The following TTLL11 variants were observed in gnomAD, a reference collection of about 807,000 sequenced individuals.
The protein encoded by TTLL11 is tubulin polyglutamylase TTLL11.
A neutral mutation model predicts 51.7 loss-of-function variants in TTLL11; 42 were observed. That is an observed-to-expected ratio of 0.81 (90% confidence interval 0.64 to 1.05). TTLL11 has a LOEUF of 1.05. Among genes scored for constraint, TTLL11 ranks in the 50% least tolerant of loss-of-function variants. The pLI, the probability that TTLL11 is intolerant of heterozygous loss-of-function variation, is 0.00. For missense variants in TTLL11, 799 were observed against 940.4 expected (o/e 0.85, Z 1.97); for synonymous variants, 381 against 383.5 (o/e 0.99, Z 0.08).
chr9:121,870,855 TACAG>T, intron 6 of TTLL11, 107 bp from the exon 7 acceptor site: 1 of 1,283,192 alleles, frequency 7.8e-7, no homozygotes, highest in South Asian at 1.6e-5. Context: ...TTTTTTATTT[TACAG>T]ACAGCAAGAC....
chr9:121,842,744 C>T (rs1837396892), intron 8 of TTLL11, among the ~76,000 whole-genome samples: 1 of 152,188 alleles, frequency 6.6e-6, no homozygotes, highest in Admixed American at 6.5e-5. Context: ...ATTCTCTCTG[C>T]TCTCTTGGGT....
intron 6 of TTLL11, among the ~76,000 whole-genome samples, chr9:121,911,958 C>A (rs1318037141): frequency 6.6e-6 from 1 of 152,082 alleles, no homozygotes; most frequent in Non-Finnish European, 1.5e-5. Flanking sequence ...AAAAGAATAA[C>A]CCTTTGAGGG....
At chr9:122,074,730 G>A (rs369824656) in intron 1 of TTLL11, among the ~76,000 whole-genome samples, 304 of 127,328 alleles carry the variant, frequency 2.4e-3, no homozygotes, top group Non-Finnish European at 3.6e-3. Flanking sequence ...TAAGACTTTC[G>A]TCTCTACAAA....
In TTLL11 at chr9:121,817,714, C is replaced by T. The variant is rs574115042; in HGVS notation, c.*4873G>A. 2.0e-5 allele frequency: 3 copies of T among 152,370 alleles called. No homozygotes were observed. The highest frequency in any genetic ancestry group is 2.1e-4 in the South Asian group (1 of 4,834). The allele number at this position is 152,370 out of a possible 1,614,324, so 9.4% of individuals were successfully genotyped here. On this transcript the variant is annotated 3_prime_UTR_variant, in exon 9 of 9. Transcript: ENST00000321582. Reference sequence around the variant, plus strand: ...GGAGTGCTGAGGCACCGTGCAGAACCGAGGAAGTGCCGAGGAAGGAGTGTG... The same window carrying T: ...GGAGTGCTGAGGCACCGTGCAGAACTGAGGAAGTGCCGAGGAAGGAGTGTG...
At position 121,852,129 on chromosome 9, in the gene TTLL11, G is replaced by A. The variant is rs189884251; in HGVS notation, c.1840+8208C>T. On this transcript the variant is annotated intron_variant, in intron 8 of 8. Transcript: ENST00000321582. ...GCCTTGGTTTCCTCCTCTGTATATA[G>A]GGTCACGGTAGAGCTCACTGGGAGT... Among the ~76,000 whole-genome samples, 32 of 152,312 alleles carry A rather than the reference G, an allele frequency of 2.1e-4. No homozygotes were observed. The East Asian group carries it at 4.8e-3, about 23-fold the overall frequency.
At chr9:122,068,437 C>T (rs1464705263) in intron 1 of TTLL11, among the ~76,000 whole-genome samples, 1 of 152,034 alleles carries the variant, frequency 6.6e-6, no homozygotes, top group Non-Finnish European at 1.5e-5. Context: ...CTGGGATATA[C>T]AGTAATAATA....
intron 7 of TTLL11, among the ~76,000 whole-genome samples, chr9:121,860,657 G>C (rs544789288): frequency 1.3e-5 from 2 of 152,312 alleles, no homozygotes; most frequent in South Asian, 4.1e-4. Flanking sequence ...TGCTCTTCTA[G>C]GAAGAGACAC....
At chr9:122,031,589 A>T in intron 3 of TTLL11, 134 bp downstream of exon 3, 1 of 1,040,446 alleles carries the variant, frequency 9.6e-7, no homozygotes, top group Non-Finnish European at 1.4e-6. Context: ...GCCAACACCT[A>T]CTGTGTACTG....
At chr9:121,883,773 T>C (rs1289876549) in intron 6 of TTLL11, among the ~76,000 whole-genome samples, 1 of 152,220 alleles carries the variant, frequency 6.6e-6, no homozygotes, top group Non-Finnish European at 1.5e-5. Flanking sequence ...GTACATTTTT[T>C]AGATGATGCC....
At chr9:121,903,899 GGA>G (rs1839848113) in intron 6 of TTLL11, among the ~76,000 whole-genome samples, 1 of 152,182 alleles carries the variant, frequency 6.6e-6, no homozygotes, top group Non-Finnish European at 1.5e-5. Flanking sequence ...TGCTTTGAAT[GGA>G]GTGACATTTA....
chr9:121,816,946 T>C lies in TTLL11; in HGVS notation c.*5641A>G, dbSNP rs778357526. The C allele has an allele frequency of 2.0e-5, 3 of 152,150 alleles. No homozygotes were observed. Among genetic ancestry groups the C allele is most frequent in the Non-Finnish European group, 2.9e-5 (2 of 68,034 alleles). The allele number at this position is 152,150 out of a possible 1,614,324, so 9.4% of individuals were successfully genotyped here. A position where few individuals can be genotyped will look rare whatever the true frequency, so the allele number is the denominator to read the frequency against. On this transcript the variant is annotated 3_prime_UTR_variant, in exon 9 of 9. Transcript: ENST00000321582. ...AAACCAAATGGGAGATTGGCAAAAATATCCATCAAGGTGAGGTGGATTTCA... is the reference window on the plus strand; with the variant it reads ...AAACCAAATGGGAGATTGGCAAAAACATCCATCAAGGTGAGGTGGATTTCA...
chr9:121,826,557 G>GTGTATGTATATATATA (rs1189626793), intron 8 of TTLL11, among the ~76,000 whole-genome samples: 1 of 51,346 alleles, frequency 1.9e-5, no homozygotes, highest in African/African-American at 7.1e-5. Flanking sequence ...ATATGTGTGT[G>GTGTATGTATATATATA]TATATATATA....
chr9:122,019,440 C>A (rs1188081931), intron 3 of TTLL11, among the ~76,000 whole-genome samples: 1 of 152,058 alleles, frequency 6.6e-6, no homozygotes, highest in Non-Finnish European at 1.5e-5. Context: ...GGGTCAGATC[C>A]TTTTCATTTA....
chr9:121,872,513 G>A (rs956102394), intron 6 of TTLL11, among the ~76,000 whole-genome samples: 1 of 152,192 alleles, frequency 6.6e-6, no homozygotes, highest in Non-Finnish European at 1.5e-5. Flanking sequence ...AGTTTGCAAC[G>A]TAAGCCTTAA....
intron 3 of TTLL11, among the ~76,000 whole-genome samples, chr9:122,015,420 C>A (rs1355840698): frequency 6.6e-6 from 1 of 152,112 alleles, no homozygotes; most frequent in Non-Finnish European, 1.5e-5. Flanking sequence ...GGAGTCCTTG[C>A]CAGCCGCTTT....
At position 121,998,773 on chromosome 9, in the gene TTLL11, A is replaced by G. The variant is rs115488244; in HGVS notation, c.694-9003T>C. On this transcript the variant is annotated intron_variant, in intron 3 of 8. Coordinates refer to ENST00000321582, the MANE Select transcript of TTLL11 (RefSeq NM_001139442.2). Reference sequence around the variant, plus strand: ...CGTCAATATGTATACATGAGATCTAATCCTACAAGACAGGCAATAGCATTT... The same window carrying G: ...CGTCAATATGTATACATGAGATCTAGTCCTACAAGACAGGCAATAGCATTT... Among the ~76,000 whole-genome samples the G allele has an allele frequency of 7.2e-3, 1,097 of 152,216 alleles. 12 individuals carry two copies. Among genetic ancestry groups the G allele is most frequent in the African/African-American group, 0.024 (1,000 of 41,530 alleles).
At chr9:122,058,279 G>T (rs542506868) in intron 1 of TTLL11, among the ~76,000 whole-genome samples, 1 of 152,236 alleles carries the variant, frequency 6.6e-6, no homozygotes, top group South Asian at 2.1e-4. Context: ...GGAATTAATG[G>T]CATGTAGCTC....
chr9:121,906,157 G>T (rs534051271), intron 6 of TTLL11, among the ~76,000 whole-genome samples: 4 of 152,202 alleles, frequency 2.6e-5, no homozygotes, highest in East Asian at 1.9e-4. Flanking sequence ...CCTAATAACA[G>T]GAAATTGTCA....
intron 1 of TTLL11, among the ~76,000 whole-genome samples, chr9:122,055,145 A>G (rs1296684302): frequency 6.6e-6 from 1 of 152,096 alleles, no homozygotes; most frequent in African/African-American, 2.4e-5. Flanking sequence ...TAGTGGTGAC[A>G]GGCAAAGCTG....
Sources: gnomAD v4.1 joint callset for allele counts (sites outside exome capture counted in the v4.1 genomes callset) on GRCh38, gnomAD v4.1.1 for gene constraint, MANE v1.5 for transcripts, NCBI Gene and HGNC (gene_info 2026-07-23, HGNC 2026-07-21) for gene names.